REEP3: variants seen among roughly 807,000 people sequenced by gnomAD.
The protein encoded by REEP3 is receptor accessory protein 3, also known as receptor expression-enhancing protein 3.
Under a neutral mutation model 41.3 loss-of-function variants are expected in REEP3, and 20 were observed. The observed-to-expected ratio is 0.48, with a 90% confidence interval of 0.34 to 0.70. REEP3 has a LOEUF of 0.70. Among genes scored for constraint, REEP3 ranks in the 30% least tolerant of loss-of-function variants. The pLI, the probability that REEP3 is intolerant of heterozygous loss-of-function variation, is 0.01. For synonymous variants in REEP3, 104 were observed against 101.8 expected (o/e 1.02, Z -0.13); for missense variants, 271 against 308.8 (o/e 0.88, Z 0.92).
chr10:63,609,191 GT>G (rs1956256430), intron 5 of REEP3, among the ~76,000 whole-genome samples: 1 of 144,974 alleles, frequency 6.9e-6, no homozygotes, highest in African/African-American at 2.6e-5. Flanking sequence ...GGTGGCTCAC[GT>G]CTGTAATCCC....
chr10:63,551,781 G>T (rs986411573), intron 1 of REEP3, among the ~76,000 whole-genome samples: 3 of 152,122 alleles, frequency 2.0e-5, no homozygotes, highest in African/African-American at 7.2e-5. Context: ...ATCCCAGATG[G>T]GATCCTGGAA....
At chr10:63,618,474 C>G (rs571447883) in intron 6 of REEP3, among the ~76,000 whole-genome samples, 2 of 151,788 alleles carry the variant, frequency 1.3e-5, no homozygotes, top group Admixed American at 1.3e-4. Flanking sequence ...GTCTTGATCT[C>G]CTGACCTCAT....
intron 2 of REEP3, among the ~76,000 whole-genome samples, chr10:63,591,211 T>C (rs1956060494): frequency 6.6e-6 from 1 of 151,896 alleles, no homozygotes; most frequent in African/African-American, 2.4e-5. Context: ...CCTTGAGGTG[T>C]AGTTTTAATA....
At chr10:63,594,657 C>T (rs952920904) in intron 2 of REEP3, 121 bp from the exon 3 acceptor site, 2 of 681,936 alleles carry the variant, frequency 2.9e-6, no homozygotes, top group African/African-American at 3.6e-5. Flanking sequence ...ACTATGTATC[C>T]AGAAATACAT....
intron 1 of REEP3, among the ~76,000 whole-genome samples, chr10:63,543,024 T>G (rs1327312230): frequency 6.6e-6 from 1 of 152,074 alleles, no homozygotes; most frequent in African/African-American, 2.4e-5. Flanking sequence ...ACCCCAGTGC[T>G]CCTCCCCAGC....
chr10:63,611,397 A>G (rs1443942938), intron 6 of REEP3, among the ~76,000 whole-genome samples: 1 of 152,244 alleles, frequency 6.6e-6, no homozygotes. Flanking sequence ...AAATGTGTTA[A>G]AATTACATAT....
intron 3 of REEP3, 95 bp from the exon 4 acceptor site, chr10:63,597,929 A>G: frequency 9.3e-7 from 1 of 1,078,930 alleles, no homozygotes; most frequent in Non-Finnish European, 1.3e-6. Context: ...AACAAAAAAC[A>G]GCATAGTGAC....
In REEP3 at chr10:63,610,284, C is replaced by T. The variant is rs764979700; in HGVS notation, c.515C>T (p.Pro172Leu). ...CCTGTGGGACAAAGACCATACCAAC[C>T]TCTACCAGAAGCAAAAAAGAAAAGT... ...DEPVGQRPYQ[P>L]LPEAKKKSKP... Residue 172 changes from proline to leucine, a missense_variant, in exon 6 of 8, where the codon CCT becomes CTT. Physicochemically the swap from Pro to Leu is moderately conservative, Grantham distance 98 (BLOSUM62 -3). Transcript: ENST00000373758. The T allele has an allele frequency of 8.2e-6, 13 of 1,580,166 alleles. No individual in the cohort carries two copies. Among genetic ancestry groups the T allele is most frequent in the Non-Finnish European group, 1.0e-5 (12 of 1,161,302 alleles).
intron 1 of REEP3, among the ~76,000 whole-genome samples, chr10:63,541,493 T>C (rs988022278): frequency 4.1e-4 from 63 of 152,322 alleles, no homozygotes; most frequent in African/African-American, 1.4e-3. Context: ...ATCTATTCTA[T>C]ATTAGGACAA....
At chr10:63,609,417 A>C (rs893637419) in intron 5 of REEP3, among the ~76,000 whole-genome samples, 7 of 133,290 alleles carry the variant, frequency 5.3e-5, no homozygotes, top group African/African-American at 1.7e-4. Flanking sequence ...GCGCCACTGC[A>C]CTCCAGCTTG....
chr10:63,551,803 C>A (rs1382419797), intron 1 of REEP3, among the ~76,000 whole-genome samples: 1 of 151,962 alleles, frequency 6.6e-6, no homozygotes, highest in African/African-American at 2.4e-5. Flanking sequence ...AGAAATGAGA[C>A]CTTAGGAAAA....
chr10:63,605,095 T>C (rs899391907), intron 5 of REEP3, among the ~76,000 whole-genome samples: 4 of 152,066 alleles, frequency 2.6e-5, no homozygotes, highest in Non-Finnish European at 5.9e-5. Context: ...TAACAAAAAA[T>C]AGCAAGAGTG....
At chr10:63,531,854 T>G (rs1351200473) in intron 1 of REEP3, among the ~76,000 whole-genome samples, 1 of 152,226 alleles carries the variant, frequency 6.6e-6, no homozygotes, top group Non-Finnish European at 1.5e-5. Flanking sequence ...AGCTCTGGCT[T>G]AAGAATATTC....
chr10:63,569,190 TGA>T, intron 2 of REEP3, among the ~76,000 whole-genome samples: 1 of 152,296 alleles, frequency 6.6e-6, no homozygotes, highest in East Asian at 1.9e-4. Flanking sequence ...CCAAACACCA[TGA>T]AAATATGAGT....
intron 2 of REEP3, among the ~76,000 whole-genome samples, chr10:63,587,855 C>T (rs1956021807): frequency 6.6e-6 from 1 of 152,210 alleles, no homozygotes; most frequent in South Asian, 2.1e-4. Context: ...TCTAGCCACA[C>T]TCTGTCATTC....
intron 2 of REEP3, among the ~76,000 whole-genome samples, chr10:63,572,028 G>A (rs962050948): frequency 2.0e-4 from 30 of 152,094 alleles, no homozygotes; most frequent in African/African-American, 7.0e-4. Context: ...CGGGGGCCAC[G>A]GCCATATAGA....
Position 63,566,369 on chromosome 10 carries a change from T to C in REEP3, c.64T>C (p.Tyr22His). 6.4e-7 allele frequency: 1 copy of C among 1,553,982 alleles called. No individual in the cohort carries two copies. The highest frequency in any genetic ancestry group is 1.4e-5 in the African/African-American group (1 of 73,698). ...LVFGMLYPAY[Y>H]SYKAVKTKNV... ...GTTTGGAATGCTTTATCCTGCATAT[T>C]ATTCATACAAAGCTGTGAAAACAAA... Residue 22 changes from tyrosine (Y) to histidine (H), a missense_variant, in exon 2 of 8, where the codon TAT (tyrosine) becomes CAT (histidine). Tyr to His is a moderately conservative substitution (Grantham distance 83). Coordinates refer to ENST00000373758, the MANE Select transcript of REEP3 (RefSeq NM_001001330.3).
intron 2 of REEP3, among the ~76,000 whole-genome samples, chr10:63,581,985 C>T (rs1308611086): frequency 6.6e-6 from 1 of 151,618 alleles, no homozygotes; most frequent in Non-Finnish European, 1.5e-5. Flanking sequence ...CTCACAATAC[C>T]AAGTTTGTCT....
At position 63,620,978 on chromosome 10, in the gene REEP3, G is replaced by A. The variant is rs1956349397; in HGVS notation, c.*109G>A. 4.9e-6 allele frequency: 3 copies of A among 613,856 alleles called. No individual in the cohort carries two copies. In the African/African-American group the frequency reaches 5.6e-5, roughly 12 times the overall value. The allele number at this position is 613,856 out of a possible 1,614,324, so 38.0% of individuals were successfully genotyped here. On this transcript the variant is annotated 3_prime_UTR_variant, in exon 8 of 8. Coordinates refer to ENST00000373758, the MANE Select transcript of REEP3 (RefSeq NM_001001330.3). ...CATTAAAATGATTATTTAAATTGTG[G>A]CAGTGATGGGGTTTACTTTCATGAA...
Sources: allele counts gnomAD v4.1 joint callset (sites outside exome capture counted in the v4.1 genomes callset), GRCh38; gene constraint gnomAD v4.1.1; transcripts MANE v1.5; gene names NCBI Gene and HGNC (gene_info 2026-07-23, HGNC 2026-07-21).